Variants in AMZ1 observed in about 807,000 individuals in gnomAD.
AMZ1 encodes the protein archaelysin family metallopeptidase 1, also known as archaemetzincin-1.
AMZ1 carries 39 observed loss-of-function variants against 29.9 expected under a neutral mutation model. The ratio of observed to expected loss-of-function variants is 1.30; its 90% CI spans 1.01 to 1.70. The LOEUF (loss-of-function observed/expected upper bound fraction) is 1.70, where lower values mean the gene tolerates loss of function less well. Among genes scored for constraint, AMZ1 ranks in the 40% most tolerant of loss-of-function variants. The probability of loss-of-function intolerance (pLI) is 0.00; values close to 1 mark genes in which losing one functional copy is unlikely to be tolerated. For missense variants in AMZ1, 1,041 were observed against 680.6 expected (o/e 1.53, Z -5.89); for synonymous variants, 458 against 304.0 (o/e 1.51, Z -5.27).
chr7:2,757,060 G>T (rs1416806576), intron 4 of AMZ1, among the ~76,000 whole-genome samples: 1 of 151,806 alleles, frequency 6.6e-6, no homozygotes, highest in Non-Finnish European at 1.5e-5. Context: ...GGGCAACAGA[G>T]CGATACTCTG....
At chr7:2,681,126 C>T (rs1468050226) in intron 1 of AMZ1, among the ~76,000 whole-genome samples, 2 of 152,218 alleles carry the variant, frequency 1.3e-5, no homozygotes, top group South Asian at 2.1e-4. Flanking sequence ...AGGGCTGGAG[C>T]GGGGCCATGG....
Position 2,712,346 on chromosome 7 carries a change from C to T in AMZ1, c.965C>T (p.Thr322Ile). 6.3e-7 allele frequency: 1 copy of T among 1,592,086 alleles called. No individual in the cohort carries two copies. Among genetic ancestry groups the T allele is most frequent in the Non-Finnish European group, 8.6e-7 (1 of 1,168,732 alleles). ...IERYQRLYTWTQAVVGTWPSQ... is the reference protein window; with the variant it reads ...IERYQRLYTWIQAVVGTWPSQ... ...CCCTCTTAGAGACTCTACACCTGGA[C>T]TCAGGCGGTGGTGGGGACGTGGCCC... Residue 322 changes from threonine (T) to isoleucine (I), a missense_variant, in exon 7 of 7, where the codon ACT becomes ATT. Coordinates refer to ENST00000683327, the MANE Select transcript of AMZ1 (RefSeq NM_001384743.1).
At chr7:2,721,891 G>A (rs930685060), downstream of AMZ1, among the ~76,000 whole-genome samples, 3 of 152,170 alleles carry the variant, frequency 2.0e-5, no homozygotes, top group Non-Finnish European at 4.4e-5. Flanking sequence ...AACCACCGTG[G>A]CTATAACATA....
intron 1 of AMZ1, among the ~76,000 whole-genome samples, chr7:2,698,573 T>A (rs115311051): frequency 0.013 from 1,969 of 150,846 alleles, 44 homozygotes; most frequent in African/African-American, 0.046. Context: ...GGGGGGTCTG[T>A]GTGCAGTGGC....
At chr7:2,704,584 C>A (rs77151637) in intron 3 of AMZ1, among the ~76,000 whole-genome samples, 1 of 136,162 alleles carries the variant, frequency 7.3e-6, no homozygotes, top group Non-Finnish European at 1.5e-5. Context: ...TTAGCAGTGT[C>A]ACGCTTTTTT....
rs191010887 is a variant in AMZ1 at position 2,751,164 on chromosome 7, G to C, written n.551-13548G>C. Among the ~76,000 whole-genome samples, 105 of 152,168 alleles carry C rather than the reference G, an allele frequency of 6.9e-4. 1 individual carries two copies. Among genetic ancestry groups the C allele is most frequent in the Non-Finnish European group, 1.2e-3 (82 of 67,992 alleles). The stretch of plus-strand genomic sequence containing the variant: ...GCACTTTAGGAGGCTGAGGCAGGTG[G>C]ACTGGTTGAGGTCAGGAGTTCAAGA... On this transcript the variant is annotated intron_variant and non_coding_transcript_variant, in intron 4 of 4. Coordinates refer to the AMZ1 transcript ENST00000489665.
intron 1 of AMZ1, among the ~76,000 whole-genome samples, chr7:2,696,408 C>A (rs886101677): frequency 6.6e-6 from 1 of 151,288 alleles, no homozygotes; most frequent in East Asian, 2.0e-4. Context: ...AGGCGCCCGC[C>A]ACCACGCCTG....
At chr7:2,689,371 G>A (rs60561590) in intron 1 of AMZ1, among the ~76,000 whole-genome samples, 1 of 83,222 alleles carries the variant, frequency 1.2e-5, no homozygotes, top group East Asian at 5.1e-4. Context: ...GAACCTCCCT[G>A]GGGGGGGGAT....
intron 1 of AMZ1, among the ~76,000 whole-genome samples, chr7:2,695,264 A>T (rs1787642873): frequency 6.6e-6 from 1 of 152,114 alleles, no homozygotes; most frequent in Non-Finnish European, 1.5e-5. Flanking sequence ...ACCTGCCAGG[A>T]CTGCCCTGTG....
intron 4 of AMZ1, among the ~76,000 whole-genome samples, chr7:2,745,759 T>G (rs545793583): frequency 2.2e-3 from 333 of 152,308 alleles, no homozygotes; most frequent in African/African-American, 7.1e-3. Context: ...ATCAGTGTGC[T>G]GTATTCAGGA....
upstream of AMZ1, among the ~76,000 whole-genome samples, chr7:2,761,253 T>A (rs973175985): frequency 1.3e-5 from 2 of 151,910 alleles, no homozygotes; most frequent in Admixed American, 6.6e-5. Context: ...GATGGCACAG[T>A]CCCCCTCTGG....
chr7:2,758,356 T>A (rs1215750104), intron 4 of AMZ1, among the ~76,000 whole-genome samples: 1 of 152,158 alleles, frequency 6.6e-6, no homozygotes, highest in African/African-American at 2.4e-5. Flanking sequence ...TCGTGTGGCC[T>A]CTGAAAAGCT....
At chr7:2,723,701 GCAGA>G (rs1319519878), downstream of AMZ1, among the ~76,000 whole-genome samples, 1 of 152,214 alleles carries the variant, frequency 6.6e-6, no homozygotes, top group East Asian at 1.9e-4. Context: ...GGCTGAAGTT[GCAGA>G]CAGCAACGAT....
rs772069698 is a variant in AMZ1 at position 2,717,636 on chromosome 7, T to C, written c.*4758T>C. Reference sequence around the variant, plus strand: ...GTCAAAGATAAACACCGCAGGGTAATCTAGGAAACACTTCCGGCTTGACTG... The same window carrying C: ...GTCAAAGATAAACACCGCAGGGTAACCTAGGAAACACTTCCGGCTTGACTG... On this transcript the variant is annotated 3_prime_UTR_variant, in exon 7 of 7. Coordinates refer to ENST00000683327, the MANE Select transcript of AMZ1 (RefSeq NM_001384743.1). 1.2e-4 allele frequency among the ~76,000 whole-genome samples: 18 copies of C among 152,158 alleles called. No individual in the cohort carries two copies. The highest frequency in any genetic ancestry group is 2.1e-4 in the South Asian group (1 of 4,832).
intron 4 of AMZ1, among the ~76,000 whole-genome samples, chr7:2,746,999 A>T (rs1790796124): frequency 6.6e-6 from 1 of 152,116 alleles, no homozygotes; most frequent in Non-Finnish European, 1.5e-5. Context: ...TAGACCAATA[A>T]CAGGCTCTGA....
At chr7:2,748,667 A>C (rs1194568685) in intron 4 of AMZ1, among the ~76,000 whole-genome samples, 1 of 152,228 alleles carries the variant, frequency 6.6e-6, no homozygotes, top group Non-Finnish European at 1.5e-5. Context: ...AATGGGATCT[A>C]ATTAAACTAA....
chr7:2,718,929 G>T lies in AMZ1; in HGVS notation c.*6051G>T, dbSNP rs55868372. On this transcript the variant is annotated 3_prime_UTR_variant, in exon 7 of 7. Coordinates refer to ENST00000683327, the MANE Select transcript of AMZ1 (RefSeq NM_001384743.1). ...CTCAGGGTCGCTTAACACAGGCAGG[G>T]GTACAGGAGAGCTCCGGCCATTTAT... 2.0e-5 allele frequency among the ~76,000 whole-genome samples: 3 copies of T among 152,134 alleles called. No homozygotes were observed. Among genetic ancestry groups the T allele is most frequent in the Non-Finnish European group, 2.9e-5 (2 of 68,016 alleles).
At chr7:2,761,003 G>C (rs1791528018), upstream of AMZ1, among the ~76,000 whole-genome samples, 2 of 152,204 alleles carry the variant, frequency 1.3e-5, no homozygotes, top group Non-Finnish European at 2.9e-5. Flanking sequence ...CACAGTTCAT[G>C]GGTAGTTTTG....
At chr7:2,711,782 A>G (rs952300908) in intron 6 of AMZ1, among the ~76,000 whole-genome samples, 1 of 152,062 alleles carries the variant, frequency 6.6e-6, no homozygotes. Flanking sequence ...CGTGGCTCAC[A>G]CCTGTAATCC....
Sources: allele counts gnomAD v4.1 joint callset (sites outside exome capture counted in the v4.1 genomes callset), GRCh38; gene constraint gnomAD v4.1.1; transcripts MANE v1.5; gene names NCBI Gene and HGNC (gene_info 2026-07-23, HGNC 2026-07-21).